ZDHHC12: variants seen among roughly 807,000 people sequenced by gnomAD.
ZDHHC12 encodes the protein palmitoyltransferase ZDHHC12.
Under a neutral mutation model 33.2 loss-of-function variants are expected in ZDHHC12, and 26 were observed. That is an observed-to-expected ratio of 0.78 (90% CI 0.57 to 1.09). The LOEUF is 1.09. ZDHHC12 is among the 50% of genes least tolerant of loss of function. The pLI is 0.00. For missense variants in ZDHHC12, 350 were observed against 353.0 expected, an observed-to-expected ratio of 0.99 and a Z score of 0.07; for synonymous variants, 154 against 152.1, an observed-to-expected ratio of 1.01 and a Z score of -0.09.
In ZDHHC12 at chr9:128,721,886, T is replaced by C; in HGVS notation, c.316-69A>G. On this transcript the variant is annotated intron_variant, in intron 3 of 4. Transcript: ENST00000372663. The surrounding 1 kb of genome is among the most constrained non-coding windows in gnomAD (Gnocchi z 6.9). The stretch of plus-strand genomic sequence containing the variant: ...GTGGGCCCACCACTGAGGGAAGGAA[T>C]CAGGGCCTGATTCTGGAAGGCCTTC... The C allele has an allele frequency of 6.2e-7, 1 of 1,601,110 alleles. No homozygotes were observed. The highest frequency in any genetic ancestry group is 1.1e-5 in the South Asian group (1 of 89,646).
Position 128,722,845 on chromosome 9 carries a change from G to C in ZDHHC12, c.101-271C>G. On this transcript the variant is annotated intron_variant, in intron 1 of 4. Transcript: ENST00000372663. This position sits in a 1 kb window ranked among gnomAD's most constrained non-coding sequence, Gnocchi z 4.2. ...GGGAAGCCTGGGGGCAGAGAATCTG[G>C]CCAGGAGGAAGAAGAGAGTCGCTAC... is the stretch of plus-strand genomic sequence containing the variant. 3 of 1,102,962 alleles carry C rather than the reference G, an allele frequency of 2.7e-6. No individual in the cohort carries two copies. The highest frequency in any genetic ancestry group is 3.6e-6 in the Non-Finnish European group (3 of 831,482). The allele number at this position is 1,102,962 out of a possible 1,614,324, so 68.3% of individuals were successfully genotyped here.
In ZDHHC12 at chr9:128,721,930, C is replaced by A. The variant is rs891565750; in HGVS notation, c.315+79G>T. ...GGCCTTCTTGGAGGAGGGGCGAGGC[C>A]CAGGCAGTGGGGCAGGAGGAGGTCG... On this transcript the variant is annotated intron_variant, in intron 3 of 4. Transcript: ENST00000372663. The surrounding 1 kb of genome is among the most constrained non-coding windows in gnomAD (Gnocchi z 6.9). 1.2e-5 allele frequency: 20 copies of A among 1,608,724 alleles called. No homozygotes were observed. The South Asian group carries it at 2.1e-4, about 17-fold the overall frequency.
Position 128,724,089 on chromosome 9 carries a change from GCCATCGCCTCGGCCCGGGGCC to G in ZDHHC12, c.-17_4del. 1 of 1,577,878 alleles carries G rather than the reference GCCATCGCCTCGGCCCGGGGCC, an allele frequency of 6.3e-7. No homozygotes were observed. The highest frequency in any genetic ancestry group is 8.6e-7 in the Non-Finnish European group (1 of 1,158,680). On this transcript the variant is annotated start_lost and 5_prime_UTR_variant, in exon 1 of 5. Coordinates refer to ENST00000372663, the MANE Select transcript of ZDHHC12 (RefSeq NM_032799.5). ...CCCAGGGCTGAGGAGCGCCCAGGGCGCCATCGCCTCGGCCCGGGGCCCCACCCGGAAGAAGCGCCCAGAGGG... is the reference window on the plus strand; with the variant it reads ...CCCAGGGCTGAGGAGCGCCCAGGGCGCCACCCGGAAGAAGCGCCCAGAGGG...
In ZDHHC12 at chr9:128,722,710, G is replaced by T. The variant is rs1589502414; in HGVS notation, c.101-136C>A. On this transcript the variant is annotated intron_variant, in intron 1 of 4. Coordinates refer to ENST00000372663, the MANE Select transcript of ZDHHC12 (RefSeq NM_032799.5). This position sits in a 1 kb window ranked among gnomAD's most constrained non-coding sequence, Gnocchi z 4.2. ...AGATGTTGGTTCCATGAGTGGCTGT[G>T]TGTGGCCAGCAGTTCATCTGCACTT... 6.8e-7 allele frequency: 1 copy of T among 1,466,826 alleles called. No homozygotes were observed. The highest frequency in any genetic ancestry group is 9.1e-7 in the Non-Finnish European group (1 of 1,103,322). 90.9% of individuals were successfully genotyped at this position (1,466,826 alleles called of 1,614,324 possible). A position where few individuals can be genotyped will look rare whatever the true frequency, so the allele number is the denominator to read the frequency against.
rs148081275 is a variant in ZDHHC12, at chr9:128,721,692, C to G, written c.441G>C (p.Ala147=). The G allele has an allele frequency of 6.2e-7, 1 of 1,613,826 alleles. No individual in the cohort carries two copies. The highest frequency in any genetic ancestry group is 1.7e-5 in the Admixed American group (1 of 60,000). The part of the protein sequence containing the change: ...RNHPLFVVYL[A]LQLVVLLWGL... ...CCCACAGAAGCACCACCAGCTGCAG[C>G]GCCAGGTAGACCACAAAGAGTGGGT... The change falls in exon 4 of 5, where the codon GCG becomes GCC. Residue 147 remains alanine, a synonymous_variant. Coordinates refer to ENST00000372663, the MANE Select transcript of ZDHHC12 (RefSeq NM_032799.5). The surrounding 1 kb of genome is among the most constrained non-coding windows in gnomAD (Gnocchi z 6.9).
Position 128,721,077 on chromosome 9 carries a change from G to C in ZDHHC12, c.*104C>G, listed in dbSNP as rs1862528861. 1 of 1,172,394 alleles carries C rather than the reference G, an allele frequency of 8.5e-7. No homozygotes were observed. The highest frequency in any genetic ancestry group is 1.6e-5 in the South Asian group (1 of 61,570). 72.6% of individuals were successfully genotyped at this position (1,172,394 alleles called of 1,614,324 possible). On this transcript the variant is annotated 3_prime_UTR_variant, in exon 5 of 5. Coordinates refer to ENST00000372663, the MANE Select transcript of ZDHHC12 (RefSeq NM_032799.5). This position sits in a 1 kb window ranked among gnomAD's most constrained non-coding sequence, Gnocchi z 6.9. ...GAAGCTCCGTTCTGGGGTCTGGGAG[G>C]CGTGGGCAGGAGTGAGGGCCCCAGG...
chr9:128,723,648 G>C lies in ZDHHC12; in HGVS notation c.100+346C>G. 2.3e-6 allele frequency: 1 copy of C among 443,082 alleles called. No homozygotes were observed. Among genetic ancestry groups the C allele is most frequent in the Non-Finnish European group, 4.0e-6 (1 of 248,662 alleles). 27.4% of individuals were successfully genotyped at this position (443,082 alleles called of 1,614,324 possible). On this transcript the variant is annotated intron_variant, in intron 1 of 4. Transcript: ENST00000372663. This position sits in a 1 kb window ranked among gnomAD's most constrained non-coding sequence, Gnocchi z 4.4. ...GTTGAGCCTCCTAATCGTATGGATA[G>C]GAAGATTTGGGGTCAGTTCCTGGGA...
chr9:128,722,099 GT>G lies in ZDHHC12; in HGVS notation c.238-14del, dbSNP rs780759387. On this transcript the variant is annotated splice_polypyrimidine_tract_variant and intron_variant, in intron 2 of 4. Transcript: ENST00000372663. This position sits in a 1 kb window ranked among gnomAD's most constrained non-coding sequence, Gnocchi z 4.2. ...CTTTGAGCTCCTCCTGGAATGAGGG[GT>G]GGGGTGTAAGACAGGGTCCCCTTGG... 1.9e-6 allele frequency: 3 copies of G among 1,613,840 alleles called. No individual in the cohort carries two copies. In the East Asian group the frequency reaches 6.7e-5, roughly 36 times the overall value.
Position 128,722,609 on chromosome 9 carries a change from G to A in ZDHHC12, c.101-35C>T, listed in dbSNP as rs757559955. 20 of 1,580,298 alleles carry A rather than the reference G, an allele frequency of 1.3e-5. No individual in the cohort carries two copies. In the African/African-American group the frequency reaches 1.7e-4, roughly 14 times the overall value. The stretch of plus-strand genomic sequence containing the variant: ...CCGGAGAGCACAGTGAGGCTGGGCC[G>A]GGTAGAACAGGAGTGGGTGGGGTTG... On this transcript the variant is annotated intron_variant, in intron 1 of 4. Transcript: ENST00000372663. This position sits in a 1 kb window ranked among gnomAD's most constrained non-coding sequence, Gnocchi z 4.2.
In ZDHHC12 at chr9:128,721,366, T is replaced by G. The variant is rs1269753224; in HGVS notation, c.619A>C (p.Ser207Arg). Residue 207 changes from serine (S) to arginine (R), a missense_variant, in exon 5 of 5, where the codon AGC becomes CGC. Physicochemically the swap from Ser to Arg is moderately radical, Grantham distance 110 (BLOSUM62 -1). Coordinates refer to ENST00000372663, the MANE Select transcript of ZDHHC12 (RefSeq NM_032799.5). This position sits in a 1 kb window ranked among gnomAD's most constrained non-coding sequence, Gnocchi z 6.9. The stretch of plus-strand genomic sequence containing the variant: ...ATGAATTCCCAGGTGGTGGTGTTGC[T>G]GGCCACCAGGTAGAGGTGCGAGACG... ...LLVSHLYLVA[S>R]NTTTWEFISS... 6.3e-7 allele frequency: 1 copy of G among 1,586,232 alleles called. No homozygotes were observed. The highest frequency in any genetic ancestry group is 8.6e-7 in the Non-Finnish European group (1 of 1,166,390).
rs769961807 is a variant in ZDHHC12, at chr9:128,721,284, C to T, written c.701G>A (p.Gly234Asp). 2.5e-6 allele frequency: 4 copies of T among 1,598,660 alleles called. No individual in the cohort carries two copies. Among genetic ancestry groups the T allele is most frequent in the Admixed American group, 3.5e-5 (2 of 57,662 alleles). The change falls in exon 5 of 5, where the codon GGC (glycine) becomes GAC (aspartate). Residue 234 changes from glycine (G) to aspartate (D), a missense_variant. Physicochemically the swap from Gly to Asp is moderately conservative, Grantham distance 94. Coordinates refer to ENST00000372663, the MANE Select transcript of ZDHHC12 (RefSeq NM_032799.5). This position sits in a 1 kb window ranked among gnomAD's most constrained non-coding sequence, Gnocchi z 6.9. ...GAAGTGGGCCAGGTTGCGGGTCAGG[C>T]CTCGGTCGAAGGGGTTGCTGGGGCG... is the stretch of plus-strand genomic sequence containing the variant. ...RQRPSNPFDR[G>D]LTRNLAHFFC...
Position 128,722,195 on chromosome 9 carries a change from A to G in ZDHHC12, c.238-109T>C, listed in dbSNP as rs1421669535. On this transcript the variant is annotated intron_variant, in intron 2 of 4. Coordinates refer to ENST00000372663, the MANE Select transcript of ZDHHC12 (RefSeq NM_032799.5). This position sits in a 1 kb window ranked among gnomAD's most constrained non-coding sequence, Gnocchi z 4.2. ...GCTCTGGGTATGGAGTTTGGGACCC[A>G]TCCCATGCAGAATGGAGGTGTGGGG... 1.0e-5 allele frequency: 14 copies of G among 1,381,606 alleles called. No individual in the cohort carries two copies. Among genetic ancestry groups the G allele is most frequent in the South Asian group, 1.2e-5 (1 of 81,096 alleles). 85.6% of individuals were successfully genotyped at this position (1,381,606 alleles called of 1,614,324 possible).
rs1420030219 is a variant in ZDHHC12 at position 128,722,248 on chromosome 9, G to A, written c.238-162C>T. 6.6e-6 allele frequency among the ~76,000 whole-genome samples: 1 copy of A among 152,090 alleles called. No homozygotes were observed. The highest frequency in any genetic ancestry group is 1.9e-4 in the East Asian group (1 of 5,182). Reference sequence around the variant, plus strand: ...TGGCGGAGCACCCTGGACTGAGGGCGGCTGTGTATGTTTGCAAGTCTCTTC... The same window carrying A: ...TGGCGGAGCACCCTGGACTGAGGGCAGCTGTGTATGTTTGCAAGTCTCTTC... On this transcript the variant is annotated intron_variant, in intron 2 of 4. Coordinates refer to ENST00000372663, the MANE Select transcript of ZDHHC12 (RefSeq NM_032799.5). This position sits in a 1 kb window ranked among gnomAD's most constrained non-coding sequence, Gnocchi z 4.2.
chr9:128,721,089 G>A lies in ZDHHC12; in HGVS notation c.*92C>T. ...TGGGGTCTGGGAGGCGTGGGCAGGA[G>A]TGAGGGCCCCAGGCCCTCTGAGCGC... On this transcript the variant is annotated 3_prime_UTR_variant, in exon 5 of 5. Coordinates refer to ENST00000372663, the MANE Select transcript of ZDHHC12 (RefSeq NM_032799.5). This position sits in a 1 kb window ranked among gnomAD's most constrained non-coding sequence, Gnocchi z 6.9. The A allele has an allele frequency of 1.6e-6, 2 of 1,289,662 alleles. No homozygotes were observed. The highest frequency in any genetic ancestry group is 5.1e-5 in the East Asian group (2 of 39,078). The allele number at this position is 1,289,662 out of a possible 1,614,324, so 79.9% of individuals were successfully genotyped here.
rs1250308246 is a variant in ZDHHC12 at position 128,721,558 on chromosome 9, T to G, written c.483-56A>C. ...GGGGGAGGGCAGGGGAGCCCTTCCC[T>G]CCCCATGCCGGGTCCCTGGGAGTCC... On this transcript the variant is annotated intron_variant, in intron 4 of 4. Transcript: ENST00000372663. The surrounding 1 kb of genome is among the most constrained non-coding windows in gnomAD (Gnocchi z 6.9). 6.3e-7 allele frequency: 1 copy of G among 1,587,466 alleles called. No individual in the cohort carries two copies. Among genetic ancestry groups the G allele is most frequent in the East Asian group, 2.2e-5 (1 of 44,534 alleles).
chr9:128,722,866 G>C lies in ZDHHC12; in HGVS notation c.101-292C>G. On this transcript the variant is annotated intron_variant, in intron 1 of 4. Coordinates refer to ENST00000372663, the MANE Select transcript of ZDHHC12 (RefSeq NM_032799.5). This position sits in a 1 kb window ranked among gnomAD's most constrained non-coding sequence, Gnocchi z 4.2. ...TCTGGCCAGGAGGAAGAAGAGAGTC[G>C]CTACAAAGGCCTGGCAGGAAGTGAG... The C allele has an allele frequency of 4.6e-6, 4 of 860,740 alleles. No homozygotes were observed. Among genetic ancestry groups the C allele is most frequent in the Non-Finnish European group, 6.4e-6 (4 of 629,258 alleles). 53.3% of individuals were successfully genotyped at this position (860,740 alleles called of 1,614,324 possible).
rs747563202 is a variant in ZDHHC12 at position 128,721,560 on chromosome 9, C to T, written c.483-58G>A. On this transcript the variant is annotated intron_variant, in intron 4 of 4. Coordinates refer to ENST00000372663, the MANE Select transcript of ZDHHC12 (RefSeq NM_032799.5). This position sits in a 1 kb window ranked among gnomAD's most constrained non-coding sequence, Gnocchi z 6.9. ...GGGAGGGCAGGGGAGCCCTTCCCTC[C>T]CCATGCCGGGTCCCTGGGAGTCCTG... 5.0e-6 allele frequency: 8 copies of T among 1,588,196 alleles called. No individual in the cohort carries two copies. Among genetic ancestry groups the T allele is most frequent in the Middle Eastern group, 1.7e-4 (1 of 5,924 alleles).
In ZDHHC12 at chr9:128,721,417, AGAGG is replaced by A; in HGVS notation, c.564_567del (p.Leu189SerfsTer46). On this transcript the variant is annotated frameshift_variant, in exon 5 of 5. Coordinates refer to ENST00000372663, the MANE Select transcript of ZDHHC12 (RefSeq NM_032799.5). LOFTEE classifies it high-confidence loss of function. The surrounding 1 kb of genome is among the most constrained non-coding windows in gnomAD (Gnocchi z 6.9). ...AGGAGCAGGCTGGCCACCAACGAGA[AGAGG>A]GACAGCAGCAGGAAGGTGGCGAACA... 1.3e-6 allele frequency: 2 copies of A among 1,582,856 alleles called. No homozygotes were observed. Among genetic ancestry groups the A allele is most frequent in the Middle Eastern group, 1.7e-4 (1 of 6,006 alleles).
In ZDHHC12 at chr9:128,721,319, A is replaced by T. The variant is rs76288278; in HGVS notation, c.666T>A (p.Tyr222Ter). ...WEFISSHRIA[Y>*]LRQRPSNPFD... ...AGGGGTTGCTGGGGCGCTGGCGGAG[A>T]TAGGCGATGCGGTGTGAGGAGATGA... Residue 222 changes from tyrosine to a stop codon, truncating the protein, a stop_gained, in exon 5 of 5, where the codon TAT (tyrosine) becomes TAA (stop). Coordinates refer to ENST00000372663, the MANE Select transcript of ZDHHC12 (RefSeq NM_032799.5). LOFTEE classifies it high-confidence loss of function. This position sits in a 1 kb window ranked among gnomAD's most constrained non-coding sequence, Gnocchi z 6.9. 2 of 1,593,972 alleles carry T rather than the reference A, an allele frequency of 1.3e-6. No homozygotes were observed. Among genetic ancestry groups the T allele is most frequent in the Non-Finnish European group, 1.7e-6 (2 of 1,170,416 alleles).
Sources: gnomAD v4.1 joint callset for allele counts (sites outside exome capture counted in the v4.1 genomes callset) on GRCh38, gnomAD v4.1.1 for gene constraint, Gnocchi (gnomAD v3.1) non-coding constraint, MANE v1.5 for transcripts, NCBI Gene and HGNC (gene_info 2026-07-23, HGNC 2026-07-21) for gene names.